Variants in ZDHHC21 observed in about 807,000 individuals in gnomAD.
ZDHHC21 encodes the protein zDHHC palmitoyltransferase 21, also known as palmitoyltransferase ZDHHC21.
Under a neutral mutation model 34.6 loss-of-function variants are expected in ZDHHC21, and 15 were observed. That is an observed-to-expected ratio of 0.43 (90% CI 0.29 to 0.67). ZDHHC21 has a LOEUF of 0.67. Ranked by LOEUF, ZDHHC21 falls within the 30% of genes least tolerant of loss-of-function variation. ZDHHC21 has a pLI of 0.14. For synonymous variants in ZDHHC21, 142 were observed against 101.8 expected, an observed-to-expected ratio of 1.40 and a Z score of -2.38; for missense variants, 344 against 327.7, an observed-to-expected ratio of 1.05 and a Z score of -0.38.
At chr9:14,686,389 G>C (rs1424448005) in intron 2 of ZDHHC21, among the ~76,000 whole-genome samples, 1 of 152,148 alleles carries the variant, frequency 6.6e-6, no homozygotes, top group African/African-American at 2.4e-5. Context: ...CATTCTCCAA[G>C]ACAGGGAACA....
chr9:14,686,009 A>G (rs555349999), intron 2 of ZDHHC21, among the ~76,000 whole-genome samples: 3 of 152,042 alleles, frequency 2.0e-5, no homozygotes, highest in African/African-American at 7.2e-5. Flanking sequence ...GAACAGTGAG[A>G]ACATTTGGAC....
At chr9:14,660,891 A>C (rs1200458896) in intron 6 of ZDHHC21, among the ~76,000 whole-genome samples, 1 of 152,182 alleles carries the variant, frequency 6.6e-6, no homozygotes, top group Non-Finnish European at 1.5e-5. Context: ...TACAATAAGA[A>C]GCGCTTAAAA....
chr9:14,624,256 T>C (rs1428792859), intron 8 of ZDHHC21, among the ~76,000 whole-genome samples: 2 of 152,062 alleles, frequency 1.3e-5, no homozygotes, highest in African/African-American at 4.8e-5. Context: ...CCATTTTACA[T>C]AAGGAACAGG....
chr9:14,656,281 T>C (rs1832191337), intron 7 of ZDHHC21, among the ~76,000 whole-genome samples: 1 of 151,918 alleles, frequency 6.6e-6, no homozygotes, highest in Non-Finnish European at 1.5e-5. Flanking sequence ...GGTCCTAGAA[T>C]TTAGCTTTAC....
At chr9:14,679,986 C>A (rs1033183648) in intron 3 of ZDHHC21, 47 bp downstream of exon 3, 5 of 152,414 alleles carry the variant, frequency 3.3e-5, no homozygotes, top group Non-Finnish European at 2.9e-5. Flanking sequence ...ATACTATGGC[C>A]CATAATTCCA....
chr9:14,637,726 C>T (rs1277525144), intron 8 of ZDHHC21, among the ~76,000 whole-genome samples: 1 of 151,832 alleles, frequency 6.6e-6, no homozygotes, highest in Non-Finnish European at 1.5e-5. Context: ...AAATCAGTAG[C>T]GTTTCTATAC....
chr9:14,626,052 T>C (rs1045266826), intron 8 of ZDHHC21, among the ~76,000 whole-genome samples: 1 of 151,976 alleles, frequency 6.6e-6, no homozygotes, highest in Non-Finnish European at 1.5e-5. Flanking sequence ...CTAATCAGAA[T>C]ATTTGGAACA....
chr9:14,628,738 T>C (rs1029038601), intron 8 of ZDHHC21, among the ~76,000 whole-genome samples: 5 of 152,218 alleles, frequency 3.3e-5, no homozygotes, highest in Admixed American at 1.3e-4. Context: ...GTATAATTTC[T>C]TGTAATCTTA....
At chr9:14,664,131 GGCGCAGGCCAGCGGGTGC>G (rs1211627122) in intron 5 of ZDHHC21, among the ~76,000 whole-genome samples, 4 of 152,142 alleles carry the variant, frequency 2.6e-5, no homozygotes, top group Admixed American at 2.0e-4. Context: ...CCAGACAGTG[GGCGCAGGCCAGCGGGTGC>G]GCGCACCGTG....
chr9:14,658,545 A>G (rs1832745035), intron 7 of ZDHHC21, among the ~76,000 whole-genome samples: 1 of 119,414 alleles, frequency 8.4e-6, no homozygotes, highest in Admixed American at 1.2e-4. Flanking sequence ...ATCTCGGCTC[A>G]CTGCAGGCTC....
Position 14,662,343 on chromosome 9 carries a change from A to G in ZDHHC21, c.254-17T>C, listed in dbSNP as rs1390888987. 3 of 1,585,976 alleles carry G rather than the reference A, an allele frequency of 1.9e-6. No homozygotes were observed. Among genetic ancestry groups the G allele is most frequent in the African/African-American group, 2.7e-5 (2 of 73,740 alleles). On this transcript the variant is annotated splice_polypyrimidine_tract_variant and intron_variant, in intron 5 of 9. Transcript: ENST00000380916. The stretch of plus-strand genomic sequence containing the variant: ...ACTCCCTTTCTAAAGAAAAGAAATT[A>G]AAATCCATTTAATGAAGGCAAGTGG...
intron 4 of ZDHHC21, 67 bp downstream of exon 4, chr9:14,674,120 C>G: frequency 8.8e-7 from 1 of 1,132,052 alleles, no homozygotes; most frequent in Non-Finnish European, 1.2e-6. Flanking sequence ...CATAGTGGCA[C>G]TACACCCCAA....
At chr9:14,657,469 T>G (rs1832452743) in intron 7 of ZDHHC21, among the ~76,000 whole-genome samples, 1 of 151,458 alleles carries the variant, frequency 6.6e-6, no homozygotes, top group South Asian at 2.1e-4. Flanking sequence ...TATGTCTGTT[T>G]ACAAAGACAA....
rs1290777451 is a variant in ZDHHC21 at position 14,613,587 on chromosome 9, T to C, written c.*5379A>G. Reference sequence around the variant, plus strand: ...TATTTTGTCCGCATCTTTGTTTATATATAAAGCTATCGATACCAAAAAAAT... The same window carrying C: ...TATTTTGTCCGCATCTTTGTTTATACATAAAGCTATCGATACCAAAAAAAT... On this transcript the variant is annotated 3_prime_UTR_variant, in exon 10 of 10. Coordinates refer to ENST00000380916, the MANE Select transcript of ZDHHC21 (RefSeq NM_178566.6). The C allele has an allele frequency of 2.6e-5, 4 of 151,846 alleles. No homozygotes were observed. Among genetic ancestry groups the C allele is most frequent in the Non-Finnish European group, 5.9e-5 (4 of 67,814 alleles). The allele number at this position is 151,846 out of a possible 1,614,324, so 9.4% of individuals were successfully genotyped here. A position where few individuals can be genotyped will look rare whatever the true frequency, so the allele number is the denominator to read the frequency against.
the ZDHHC21 span, among the ~76,000 whole-genome samples, chr9:14,600,571 T>C: frequency 6.6e-5 from 10 of 152,174 alleles, no homozygotes; most frequent in Non-Finnish European, 1.2e-4. Flanking sequence ...AAAATGGCCA[T>C]ATTGCCCAAA....
rs369672761 is a variant in ZDHHC21, at chr9:14,688,487, G to T, written c.-176+1850C>A. On this transcript the variant is annotated intron_variant, in intron 2 of 9. Coordinates refer to ENST00000380916, the MANE Select transcript of ZDHHC21 (RefSeq NM_178566.6). ...CTGTGATCATACCATGTTGGGAGGT[G>T]AGTAGGGGTAGGATTGCTTGAGCTA... 3.3e-5 allele frequency among the ~76,000 whole-genome samples: 5 copies of T among 150,872 alleles called. No homozygotes were observed. The South Asian group carries it at 8.3e-4, about 25-fold the overall frequency.
chr9:14,627,308 T>C (rs1161470500), intron 8 of ZDHHC21, among the ~76,000 whole-genome samples: 1 of 152,132 alleles, frequency 6.6e-6, no homozygotes, highest in Non-Finnish European at 1.5e-5. Flanking sequence ...ACCCCTGCAT[T>C]TATGATTTCT....
rs766786771 is a variant in ZDHHC21, at chr9:14,615,113, C to A, written c.*3853G>T. 1 of 151,652 alleles carries A rather than the reference C, an allele frequency of 6.6e-6. No individual in the cohort carries two copies. The highest frequency in any genetic ancestry group is 1.5e-5 in the Non-Finnish European group (1 of 67,654). The allele number at this position is 151,652 out of a possible 1,614,324, so 9.4% of individuals were successfully genotyped here. A position where few individuals can be genotyped will look rare whatever the true frequency, so the allele number is the denominator to read the frequency against. On this transcript the variant is annotated 3_prime_UTR_variant, in exon 10 of 10. Coordinates refer to ENST00000380916, the MANE Select transcript of ZDHHC21 (RefSeq NM_178566.6). ...AATACATGTGAAAACACTCAAACTA[C>A]CCCATGATCTAACACACAGAAAATT... is the stretch of plus-strand genomic sequence containing the variant.
chr9:14,674,508 T>C (rs1160639916), intron 3 of ZDHHC21, 123 bp from the exon 4 acceptor site: 3 of 536,624 alleles, frequency 5.6e-6, no homozygotes, highest in African/African-American at 2.0e-5. Flanking sequence ...TTTCTTTCTG[T>C]AGTTGATATA....
Sources: gnomAD v4.1 joint callset for allele counts (sites outside exome capture counted in the v4.1 genomes callset) on GRCh38, gnomAD v4.1.1 for gene constraint, MANE v1.5 for transcripts, NCBI Gene and HGNC (gene_info 2026-07-23, HGNC 2026-07-21) for gene names.